DPP10: variants seen among roughly 807,000 people sequenced by gnomAD.
DPP10 encodes the protein inactive dipeptidyl peptidase 10.
Under a neutral mutation model 120.9 loss-of-function variants are expected in DPP10, and 33 were observed. That is an observed-to-expected ratio of 0.27 (90% CI 0.21 to 0.37). The LOEUF (loss-of-function observed/expected upper bound fraction) is 0.37, where lower values mean the gene tolerates loss of function less well. Ranked by LOEUF, DPP10 falls within the 10% of genes least tolerant of loss-of-function variation. The pLI is 1.00. For synonymous variants in DPP10, 337 were observed against 326.1 expected, an observed-to-expected ratio of 1.03 and a Z score of -0.36; for missense variants, 816 against 942.8, an observed-to-expected ratio of 0.87 and a Z score of 1.76.
rs141785972 is a variant in DPP10 at position 115,053,916 on chromosome 2, C to T, written c.61-255323C>T. Among the ~76,000 whole-genome samples the T allele has an allele frequency of 8.6e-4, 131 of 152,214 alleles. 3 individuals carry two copies. The highest frequency in any genetic ancestry group is 6.8e-3 in the Middle Eastern group (2 of 294). On this transcript the variant is annotated intron_variant, in intron 1 of 25. Transcript: ENST00000410059. ...TGTTTGCAACTAGCTTATTGACTTA[C>T]AAATAATGAGCATATCAATAAGTAG... is the stretch of plus-strand genomic sequence containing the variant.
chr2:115,328,654 A>C (rs951395896), intron 2 of DPP10, among the ~76,000 whole-genome samples: 1 of 151,524 alleles, frequency 6.6e-6, no homozygotes, highest in Non-Finnish European at 1.5e-5. Flanking sequence ...GTAGAGCTTC[A>C]AATAAAATTC....
chr2:114,788,582 A>AT (rs1217470968), intron 1 of DPP10, among the ~76,000 whole-genome samples: 5 of 151,552 alleles, frequency 3.3e-5, no homozygotes, highest in Non-Finnish European at 5.9e-5. Context: ...CGCCCGGCTA[A>AT]TTTTTTTTGT....
chr2:115,137,221 G>A (rs938247802), intron 1 of DPP10, among the ~76,000 whole-genome samples: 4 of 152,178 alleles, frequency 2.6e-5, no homozygotes. Flanking sequence ...CTGATAGGCA[G>A]TGATAGAATT....
chr2:115,724,681 G>T (rs1036044105), intron 7 of DPP10, among the ~76,000 whole-genome samples: 4 of 152,166 alleles, frequency 2.6e-5, no homozygotes, highest in Non-Finnish European at 5.9e-5. Context: ...CTTAGGTGTT[G>T]TGTTTGTTCT....
chr2:115,279,692 A>AT (rs946451807), intron 1 of DPP10, among the ~76,000 whole-genome samples: 5 of 46,242 alleles, frequency 1.1e-4, no homozygotes, highest in African/African-American at 3.5e-4. Context: ...TGGAGACAGG[A>AT]TTTCTGTCGC....
At chr2:115,582,910 A>G (rs1288536592) in intron 5 of DPP10, among the ~76,000 whole-genome samples, 2 of 152,186 alleles carry the variant, frequency 1.3e-5, no homozygotes, top group Admixed American at 6.5e-5. Flanking sequence ...TCTGGCATCT[A>G]CTAGGAACTT....
chr2:114,965,991 A>C (rs77178134), intron 1 of DPP10, among the ~76,000 whole-genome samples: 1 of 150,276 alleles, frequency 6.7e-6, no homozygotes, highest in Non-Finnish European at 1.5e-5. Flanking sequence ...AAAAAAAGAA[A>C]AAAAAAGAAA....
intron 3 of DPP10, among the ~76,000 whole-genome samples, chr2:115,404,246 G>C (rs2068338312): frequency 6.6e-6 from 1 of 152,104 alleles, no homozygotes; most frequent in South Asian, 2.1e-4. Flanking sequence ...CATGATCAAA[G>C]CAGCAGAAGT....
chr2:115,543,458 A>G (rs2148972373), intron 5 of DPP10, among the ~76,000 whole-genome samples: 1 of 152,186 alleles, frequency 6.6e-6, no homozygotes, highest in East Asian at 1.9e-4. Context: ...ACATGCCAAT[A>G]TCAATAAACT....
intron 1 of DPP10, among the ~76,000 whole-genome samples, chr2:114,817,859 G>A (rs138316429): frequency 1.3e-5 from 2 of 152,176 alleles, no homozygotes; most frequent in East Asian, 3.9e-4. Context: ...AGAAAATAAG[G>A]GATTAAAAAA....
Position 114,442,752 on chromosome 2 carries a change from A to G in DPP10, c.-27A>G. 1.9e-6 allele frequency: 3 copies of G among 1,612,890 alleles called. No homozygotes were observed. The highest frequency in any genetic ancestry group is 2.5e-6 in the Non-Finnish European group (3 of 1,179,272). ...AGTTCATTCTGGAACTCCGCCTGGGATTGTGCACTGTCCAGGGTCCTGAAA... is the reference window on the plus strand; with the variant it reads ...AGTTCATTCTGGAACTCCGCCTGGGGTTGTGCACTGTCCAGGGTCCTGAAA... On this transcript the variant is annotated 5_prime_UTR_variant, in exon 1 of 26. Coordinates refer to ENST00000410059, the MANE Select transcript of DPP10 (RefSeq NM_020868.6).
intron 3 of DPP10, among the ~76,000 whole-genome samples, chr2:115,447,942 A>G (rs750711752): frequency 2.6e-5 from 4 of 152,238 alleles, no homozygotes; most frequent in Non-Finnish European, 5.9e-5. Flanking sequence ...TAGGATGATG[A>G]TGATAATAAA....
intron 3 of DPP10, among the ~76,000 whole-genome samples, chr2:115,367,026 T>C (rs2065120268): frequency 6.6e-6 from 1 of 152,028 alleles, no homozygotes; most frequent in Admixed American, 6.6e-5. Context: ...AGATATTTTC[T>C]GCAATTTGAC....
chr2:115,418,579 T>C (rs1228999826), intron 3 of DPP10, among the ~76,000 whole-genome samples: 1 of 152,060 alleles, frequency 6.6e-6, no homozygotes, highest in Non-Finnish European at 1.5e-5. Flanking sequence ...AGGGCCAGTC[T>C]AGGCAACACA....
chr2:115,840,689 A>G, intron 24 of DPP10, 61 bp from the exon 25 acceptor site: 1 of 1,495,074 alleles, frequency 6.7e-7, no homozygotes, highest in Non-Finnish European at 9.3e-7. Flanking sequence ...GAAAAATAAT[A>G]TGAAAAAGTT....
chr2:114,931,303 C>G (rs1404080614), intron 1 of DPP10, among the ~76,000 whole-genome samples: 5 of 151,988 alleles, frequency 3.3e-5, no homozygotes, highest in African/African-American at 1.2e-4. Context: ...GCAAGAAGCA[C>G]AGCACTAGCA....
chr2:114,626,381 T>G (rs985346243), intron 1 of DPP10, among the ~76,000 whole-genome samples: 5 of 152,084 alleles, frequency 3.3e-5, no homozygotes, highest in African/African-American at 1.2e-4. Flanking sequence ...AGTTTATCTG[T>G]TTTCTTTACT....
intron 1 of DPP10, among the ~76,000 whole-genome samples, chr2:114,627,405 A>C (rs757024727): frequency 6.6e-6 from 1 of 152,092 alleles, no homozygotes; most frequent in Non-Finnish European, 1.5e-5. Flanking sequence ...ACTGTATGCT[A>C]TCTTGTTAAA....
intron 12 of DPP10, among the ~76,000 whole-genome samples, chr2:115,766,857 C>T (rs556762130): frequency 4.9e-4 from 75 of 152,258 alleles, no homozygotes; most frequent in Middle Eastern, 6.8e-3. Context: ...CTCATTCACT[C>T]ACTGTCATGA....
Sources: allele counts gnomAD v4.1 joint callset (sites outside exome capture counted in the v4.1 genomes callset), GRCh38; gene constraint gnomAD v4.1.1; transcripts MANE v1.5; gene names NCBI Gene and HGNC (gene_info 2026-07-23, HGNC 2026-07-21).